The following EFCAB11 variants were observed in gnomAD, a reference collection of about 807,000 sequenced individuals.
EFCAB11 encodes the protein EF-hand calcium-binding domain-containing protein 11.
EFCAB11 carries 14 observed loss-of-function variants against 23.0 expected under a neutral mutation model. The observed-to-expected ratio is 0.61, with a 90% CI of 0.40 to 0.95. EFCAB11 has a LOEUF of 0.95. EFCAB11 is among the 40% of genes least tolerant of loss of function. EFCAB11 has a pLI of 0.00. For synonymous variants in EFCAB11, 65 were observed against 66.6 expected, an observed-to-expected ratio of 0.98 and a Z score of 0.11; for missense variants, 198 against 195.8, an observed-to-expected ratio of 1.01 and a Z score of -0.07.
In EFCAB11 at chr14:89,932,521, C is replaced by T; in HGVS notation, c.319+5G>A. On this transcript the variant is annotated splice_donor_5th_base_variant and intron_variant, in intron 4 of 5. Transcript: ENST00000316738. Reference sequence around the variant, plus strand: ...TTTACATCAAAACACTTTAGAGACACTTACAGTAGGTGTCAAAGGCTGTGA... The same window carrying T: ...TTTACATCAAAACACTTTAGAGACATTTACAGTAGGTGTCAAAGGCTGTGA... The T allele has an allele frequency of 2.5e-6, 4 of 1,612,304 alleles. No homozygotes were observed. The highest frequency in any genetic ancestry group is 3.4e-6 in the Non-Finnish European group (4 of 1,178,882).
chr14:89,951,011 T>A (rs776260951), intron 2 of EFCAB11, among the ~76,000 whole-genome samples: 8 of 152,142 alleles, frequency 5.3e-5, no homozygotes, highest in African/African-American at 1.2e-4. Context: ...AGCAACCACA[T>A]GGAAACCAAG....
intron 5 of EFCAB11, among the ~76,000 whole-genome samples, chr14:89,875,237 G>T (rs188911335): frequency 6.6e-6 from 1 of 152,208 alleles, no homozygotes; most frequent in East Asian, 1.9e-4. Flanking sequence ...CCATGCAGGG[G>T]AACTGCCCTT....
rs1164603345 is a variant in EFCAB11 at position 89,825,020 on chromosome 14, A to C, written c.411-27696T>G. On this transcript the variant is annotated intron_variant, in intron 5 of 5. Coordinates refer to ENST00000316738, the MANE Select transcript of EFCAB11 (RefSeq NM_145231.4). ...AACCAACTTGACCTAGCTGACATTT[A>C]TAGAGCCCCACTCCTGACACCTACA... 2.0e-5 allele frequency among the ~76,000 whole-genome samples: 3 copies of C among 150,990 alleles called. No individual in the cohort carries two copies. The East Asian group carries it at 5.8e-4, about 29-fold the overall frequency.
intron 5 of EFCAB11, among the ~76,000 whole-genome samples, chr14:89,878,179 G>A (rs569964892): frequency 1.3e-5 from 2 of 152,286 alleles, no homozygotes; most frequent in South Asian, 2.1e-4. Flanking sequence ...TCTGAGCAAT[G>A]TTTTGAGACA....
intron 5 of EFCAB11, among the ~76,000 whole-genome samples, chr14:89,921,063 TAA>T (rs199585363): frequency 9.9e-5 from 11 of 111,524 alleles, no homozygotes; most frequent in Admixed American, 1.7e-4. Context: ...AGACTCTGTC[TAA>T]AAAAAAAAAA....
intron 5 of EFCAB11, among the ~76,000 whole-genome samples, chr14:89,870,894 C>T (rs1446680036): frequency 6.6e-6 from 1 of 151,954 alleles, no homozygotes; most frequent in African/African-American, 2.4e-5. Context: ...GAGCCAAGAT[C>T]GTGCCCCTGC....
chr14:89,895,519 A>T (rs1442922464), intron 5 of EFCAB11, among the ~76,000 whole-genome samples: 1 of 152,208 alleles, frequency 6.6e-6, no homozygotes, highest in Non-Finnish European at 1.5e-5. Flanking sequence ...CAGAAAACAC[A>T]GGAGCAGAGG....
intron 3 of EFCAB11, among the ~76,000 whole-genome samples, chr14:89,946,328 G>C (rs1596470877): frequency 6.6e-6 from 1 of 151,986 alleles, no homozygotes; most frequent in African/African-American, 2.4e-5. Context: ...GCATACTTTT[G>C]GTTAGTGTTC....
In EFCAB11 at chr14:89,796,323, T is replaced by G. The variant is rs977194832; in HGVS notation, c.*920A>C. 1 of 152,232 alleles carries G rather than the reference T, an allele frequency of 6.6e-6. No homozygotes were observed. Among genetic ancestry groups the G allele is most frequent in the Non-Finnish European group, 1.5e-5 (1 of 68,060 alleles). 9.4% of individuals were successfully genotyped at this position (152,232 alleles called of 1,614,324 possible). A position where few individuals can be genotyped will look rare whatever the true frequency, so the allele number is the denominator to read the frequency against. On this transcript the variant is annotated 3_prime_UTR_variant, in exon 6 of 6. Transcript: ENST00000316738. Reference sequence around the variant, plus strand: ...TTTTTTTTAATTGAAAGTGTTTTTTTAGAGACAGGGTCTTGCTCTATCATC... The same window carrying G: ...TTTTTTTTAATTGAAAGTGTTTTTTGAGAGACAGGGTCTTGCTCTATCATC...
At chr14:89,824,868 T>A (rs1197496877) in intron 5 of EFCAB11, among the ~76,000 whole-genome samples, 1 of 151,820 alleles carries the variant, frequency 6.6e-6, no homozygotes, top group Admixed American at 6.6e-5. Context: ...AAGCAAAACA[T>A]CGAGAGAACT....
At chr14:89,897,685 A>G (rs889013943) in intron 5 of EFCAB11, among the ~76,000 whole-genome samples, 1 of 152,250 alleles carries the variant, frequency 6.6e-6, no homozygotes, top group Non-Finnish European at 1.5e-5. Context: ...ACTTAAATAA[A>G]GCAGTCGCAC....
chr14:89,854,237 ATT>A (rs33945384), intron 5 of EFCAB11, among the ~76,000 whole-genome samples: 1 of 150,668 alleles, frequency 6.6e-6, no homozygotes, highest in African/African-American at 2.5e-5. Flanking sequence ...ATACAAACAC[ATT>A]TTTTTTAAAG....
In EFCAB11 at chr14:89,873,066, T is replaced by C. The variant is rs186434454; in HGVS notation, c.410+58475A>G. ...TAGTATTAGTATTAGTATTAGTCTA[T>C]GTCACAGATAAAGACATACCAGAGA... On this transcript the variant is annotated intron_variant, in intron 5 of 5. Coordinates refer to ENST00000316738, the MANE Select transcript of EFCAB11 (RefSeq NM_145231.4). Among the ~76,000 whole-genome samples, 336 of 152,310 alleles carry C rather than the reference T, an allele frequency of 2.2e-3. 3 individuals carry two copies. Among genetic ancestry groups the C allele is most frequent in the South Asian group, 3.1e-3 (15 of 4,826 alleles).
rs544154189 is a variant in EFCAB11 at position 89,810,520 on chromosome 14, C to A, written c.411-13196G>T. ...TCACTGAACACATTGAGTAACTATG[C>A]AGAGGTGGGTGGATCACCTGAGGTC... On this transcript the variant is annotated intron_variant, in intron 5 of 5. Transcript: ENST00000316738. Among the ~76,000 whole-genome samples, 81 of 152,216 alleles carry A rather than the reference C, an allele frequency of 5.3e-4. 1 individual carries two copies. Among genetic ancestry groups the A allele is most frequent in the African/African-American group, 1.9e-3 (78 of 41,530 alleles).
intron 5 of EFCAB11, among the ~76,000 whole-genome samples, chr14:89,798,557 TTAGA>T (rs1207739619): frequency 1.3e-5 from 2 of 152,236 alleles, no homozygotes; most frequent in African/African-American, 2.4e-5. Context: ...AGGAATTGGA[TTAGA>T]TAAACGGCCT....
At chr14:89,928,091 G>A (rs541660699) in intron 5 of EFCAB11, among the ~76,000 whole-genome samples, 2 of 152,134 alleles carry the variant, frequency 1.3e-5, no homozygotes, top group Non-Finnish European at 2.9e-5. Context: ...AGTTTAAAAA[G>A]CCCATATTCA....
intron 5 of EFCAB11, among the ~76,000 whole-genome samples, chr14:89,828,635 T>C (rs1353555208): frequency 6.6e-6 from 1 of 152,186 alleles, no homozygotes; most frequent in Non-Finnish European, 1.5e-5. Flanking sequence ...CATCAGAACT[T>C]ATGGGGTGTT....
At chr14:89,895,092 C>A (rs1331072177) in intron 5 of EFCAB11, among the ~76,000 whole-genome samples, 1 of 152,112 alleles carries the variant, frequency 6.6e-6, no homozygotes, top group Non-Finnish European at 1.5e-5. Flanking sequence ...ATAATAGGAT[C>A]TACCTCAAAA....
intron 5 of EFCAB11, among the ~76,000 whole-genome samples, chr14:89,885,475 G>A (rs1299417121): frequency 6.6e-6 from 1 of 152,002 alleles, no homozygotes; most frequent in Non-Finnish European, 1.5e-5. Flanking sequence ...TCAGGAGATC[G>A]AGACCATCCT....
Sources: gnomAD v4.1 joint callset for allele counts (sites outside exome capture counted in the v4.1 genomes callset) on GRCh38, gnomAD v4.1.1 for gene constraint, MANE v1.5 for transcripts, NCBI Gene and HGNC (gene_info 2026-07-23, HGNC 2026-07-21) for gene names.